COG5: variants seen among roughly 807,000 people sequenced by gnomAD.
The protein encoded by COG5 is component of oligomeric golgi complex 5.
A neutral mutation model predicts 110.4 loss-of-function variants in COG5; 86 were observed. The ratio of observed to expected loss-of-function variants is 0.78; its 90% confidence interval spans 0.65 to 0.93. The LOEUF (loss-of-function observed/expected upper bound fraction) is 0.93. COG5 is among the 40% of genes least tolerant of loss of function. COG5 has a pLI of 0.00. For missense variants in COG5, 1,077 were observed against 987.0 expected, an observed-to-expected ratio of 1.09 and a Z score of -1.22; for synonymous variants, 360 against 334.6, an observed-to-expected ratio of 1.08 and a Z score of -0.83.
chr7:107,525,103 T>C (rs2712217), intron 6 of COG5, among the ~76,000 whole-genome samples: 60,776 of 151,644 alleles, frequency 0.4, 12,681 homozygotes, highest in Non-Finnish European at 0.47. Context: ...AATTTTTGTA[T>C]TTTTAGTAGA....
chr7:107,339,530 A>T (rs115485164), intron 10 of COG5, among the ~76,000 whole-genome samples: 2,233 of 152,212 alleles, frequency 0.015, 53 homozygotes, highest in African/African-American at 0.052. Context: ...TGGACCTAAT[A>T]GATATCTACA....
chr7:107,354,458 C>A (rs1047143121), intron 10 of COG5, among the ~76,000 whole-genome samples: 2 of 152,190 alleles, frequency 1.3e-5, no homozygotes, highest in Non-Finnish European at 2.9e-5. Context: ...GCAGGCGGAT[C>A]ATGAGGTCAG....
At chr7:107,445,486 A>G (rs575132307) in intron 6 of COG5, among the ~76,000 whole-genome samples, 1 of 152,360 alleles carries the variant, frequency 6.6e-6, no homozygotes, top group African/African-American at 2.4e-5. Context: ...TCTTCAACAC[A>G]TAAGAGACTA....
chr7:107,373,177 T>G (rs1814333531), intron 7 of COG5, among the ~76,000 whole-genome samples: 1 of 152,174 alleles, frequency 6.6e-6, no homozygotes, highest in African/African-American at 2.4e-5. Context: ...CCATGCAGAC[T>G]TATTCATTAT....
intron 10 of COG5, 33 bp downstream of exon 10, chr7:107,362,000 G>C (rs375718572): frequency 9.2e-6 from 13 of 1,420,014 alleles, no homozygotes; most frequent in Non-Finnish European, 1.2e-5. Context: ...TTTTGTACAA[G>C]AAAGATGTAA....
chr7:107,482,899 A>G (rs1797434440), intron 6 of COG5, among the ~76,000 whole-genome samples: 1 of 152,182 alleles, frequency 6.6e-6, no homozygotes, highest in African/African-American at 2.4e-5. Context: ...CAGAAGTACT[A>G]TTCTTGCACA....
In COG5 at chr7:107,248,215, T is replaced by G. The variant is rs538342507; in HGVS notation, c.1853+181A>C. Among the ~76,000 whole-genome samples the G allele has an allele frequency of 1.8e-3, 273 of 151,838 alleles. 1 individual carries two copies. The highest frequency in any genetic ancestry group is 2.7e-3 in the Non-Finnish European group (183 of 67,956). On this transcript the variant is annotated intron_variant, in intron 17 of 21. Transcript: ENST00000297135. ...AAAGAGAAGTGATGAAAACGAGAAC[T>G]GAAAAATTTTAATCTGTGAATGGCG...
chr7:107,433,523 C>T (rs768536198), intron 6 of COG5, among the ~76,000 whole-genome samples: 16 of 152,132 alleles, frequency 1.1e-4, no homozygotes, highest in African/African-American at 1.9e-4. Context: ...TAAACCTTTA[C>T]GTGTAAGGTC....
At chr7:107,516,610 A>C (rs953661310) in intron 6 of COG5, among the ~76,000 whole-genome samples, 5 of 152,162 alleles carry the variant, frequency 3.3e-5, no homozygotes, top group African/African-American at 4.8e-5. Context: ...CATACAGGAG[A>C]GCTCCAGCTG....
At chr7:107,429,296 A>C (rs374269781) in intron 6 of COG5, among the ~76,000 whole-genome samples, 1 of 152,136 alleles carries the variant, frequency 6.6e-6, no homozygotes, top group East Asian at 1.9e-4. Flanking sequence ...ATGTTACCAT[A>C]TGTCTTTTTA....
intron 6 of COG5, among the ~76,000 whole-genome samples, chr7:107,514,236 A>T (rs1322520552): frequency 8.6e-5 from 13 of 151,994 alleles, no homozygotes; most frequent in African/African-American, 3.1e-4. Flanking sequence ...TCAATAATGC[A>T]ATAAAGCTTT....
intron 12 of COG5, among the ~76,000 whole-genome samples, chr7:107,295,038 TACACAC>T (rs1249923848): frequency 0.03 from 1,569 of 52,786 alleles, 27 homozygotes; most frequent in Non-Finnish European, 0.044. Flanking sequence ...CACACACATA[TACACAC>T]ACACACACAC....
chr7:107,349,085 A>G (rs1440105961), intron 10 of COG5, among the ~76,000 whole-genome samples: 4 of 152,164 alleles, frequency 2.6e-5, no homozygotes, highest in African/African-American at 9.7e-5. Context: ...TTAATATATA[A>G]AAGTACAACT....
At chr7:107,556,874 G>C (rs1803363289) in intron 2 of COG5, among the ~76,000 whole-genome samples, 1 of 151,794 alleles carries the variant, frequency 6.6e-6, no homozygotes, top group Non-Finnish European at 1.5e-5. Context: ...AGGTTCAAGT[G>C]ATTCTCCTGC....
intron 7 of COG5, among the ~76,000 whole-genome samples, chr7:107,411,725 T>C (rs1792311772): frequency 6.6e-6 from 1 of 152,192 alleles, no homozygotes; most frequent in South Asian, 2.1e-4. Flanking sequence ...AAGTACCTTC[T>C]TGATTTAGAG....
chr7:107,551,232 C>T (rs1470634955), intron 3 of COG5, among the ~76,000 whole-genome samples: 2 of 151,954 alleles, frequency 1.3e-5, no homozygotes, highest in Non-Finnish European at 2.9e-5. Flanking sequence ...TTAGTAGACA[C>T]GGGGTTTCAC....
intron 12 of COG5, among the ~76,000 whole-genome samples, chr7:107,295,087 ATATATATATATATATT>A (rs1274534962): frequency 3.3e-3 from 231 of 69,486 alleles, no homozygotes; most frequent in African/African-American, 0.012. Flanking sequence ...ATATATATAT[ATATATATATATATATT>A]TTTTTTTTTT....
At chr7:107,211,626 T>C (rs1344234557) in intron 19 of COG5, among the ~76,000 whole-genome samples, 1 of 152,226 alleles carries the variant, frequency 6.6e-6, no homozygotes, top group Non-Finnish European at 1.5e-5. Flanking sequence ...ATAGAATCCT[T>C]CTTTGGACCA....
intron 19 of COG5, among the ~76,000 whole-genome samples, chr7:107,217,663 C>T (rs1394212363): frequency 2.6e-5 from 4 of 152,018 alleles, no homozygotes; most frequent in African/African-American, 7.2e-5. Context: ...TTATTAGATG[C>T]GGAAAAAGCA....
Sources: gnomAD v4.1 joint callset for allele counts (sites outside exome capture counted in the v4.1 genomes callset) on GRCh38, gnomAD v4.1.1 for gene constraint, MANE v1.5 for transcripts, NCBI Gene and HGNC (gene_info 2026-07-23, HGNC 2026-07-21) for gene names.